Variants in DPY19L2 observed in about 807,000 individuals in gnomAD.
DPY19L2 encodes probable C-mannosyltransferase DPY19L2.
A neutral mutation model predicts 97.9 loss-of-function variants in DPY19L2; 34 were observed. That is an observed-to-expected ratio of 0.35 (90% CI 0.26 to 0.46). DPY19L2 has a LOEUF of 0.46. DPY19L2 is among the 20% of genes least tolerant of loss of function. DPY19L2 has a pLI of 1.00. For missense variants in DPY19L2, 623 were observed against 911.4 expected (o/e 0.68, Z 4.07); for synonymous variants, 230 against 307.9 (o/e 0.75, Z 2.65).
chr12:63,641,300 T>A (rs1892661978), intron 6 of DPY19L2, among the ~76,000 whole-genome samples: 1 of 152,152 alleles, frequency 6.6e-6, no homozygotes, highest in Non-Finnish European at 1.5e-5. Flanking sequence ...AATGAGCTTA[T>A]ATTTTTTCTA....
intron 16 of DPY19L2, among the ~76,000 whole-genome samples, chr12:63,592,094 A>T: frequency 7.1e-6 from 1 of 141,616 alleles, no homozygotes; most frequent in East Asian, 2.1e-4. Flanking sequence ...ACAAGAGAAA[A>T]GAGAAAAGAA....
Position 63,590,631 on chromosome 12 carries a change from T to C in DPY19L2, c.1580+3456A>G, listed in dbSNP as rs563860676. 3.9e-5 allele frequency among the ~76,000 whole-genome samples: 6 copies of C among 152,248 alleles called. No homozygotes were observed. In the South Asian group the frequency reaches 1.0e-3, roughly 26 times the overall value. On this transcript the variant is annotated intron_variant, in intron 16 of 21. Transcript: ENST00000324472. ...CACACTATTAAATACAAGTAACAAG[T>C]TGCAGAATAAGAAGAATACAATTCT...
At chr12:63,617,413 A>G (rs1269472782) in intron 10 of DPY19L2, 23 bp from the exon 11 acceptor site, 8 of 1,496,776 alleles carry the variant, frequency 5.3e-6, no homozygotes, top group Admixed American at 1.8e-5. Flanking sequence ...AAAAAAATAC[A>G]TTTTATGGTT....
At chr12:63,590,286 G>A (rs1200682634) in intron 16 of DPY19L2, among the ~76,000 whole-genome samples, 2 of 152,088 alleles carry the variant, frequency 1.3e-5, no homozygotes, top group Non-Finnish European at 2.9e-5. Context: ...TTAAAAGCTT[G>A]ATAACGATGT....
intron 6 of DPY19L2, among the ~76,000 whole-genome samples, chr12:63,644,023 G>A (rs957918182): frequency 1.3e-5 from 2 of 152,154 alleles, no homozygotes; most frequent in Non-Finnish European, 2.9e-5. Context: ...TGCCACATGT[G>A]ATTCACAATT....
At chr12:63,647,139 T>G (rs1893520616) in intron 5 of DPY19L2, 106 bp downstream of exon 5, 1 of 1,040,700 alleles carries the variant, frequency 9.6e-7, no homozygotes, top group Non-Finnish European at 1.3e-6. Flanking sequence ...TTCTAATGTT[T>G]TTTAAATCAA....
chr12:63,588,409 A>C (rs113059677), intron 16 of DPY19L2, among the ~76,000 whole-genome samples: 2,078 of 152,324 alleles, frequency 0.014, 26 homozygotes, highest in South Asian at 0.034. Context: ...GAATATTTTA[A>C]AAGTTTCAGT....
chr12:63,607,877 T>C (rs1886324119), intron 12 of DPY19L2, among the ~76,000 whole-genome samples: 1 of 151,782 alleles, frequency 6.6e-6, no homozygotes. Flanking sequence ...AAGCTCTCTG[T>C]CCACGTTGGC....
At chr12:63,637,877 A>T (rs1892009813) in intron 6 of DPY19L2, among the ~76,000 whole-genome samples, 2 of 152,284 alleles carry the variant, frequency 1.3e-5, no homozygotes, top group East Asian at 3.9e-4. Flanking sequence ...CATCATCCTG[A>T]TACCAAGGCC....
chr12:63,589,342 G>A (rs1304629990), intron 16 of DPY19L2, among the ~76,000 whole-genome samples: 1 of 44,354 alleles, frequency 2.3e-5, no homozygotes, highest in African/African-American at 6.6e-5. Context: ...AATGTGGCTA[G>A]ATAAAAATGT....
intron 6 of DPY19L2, among the ~76,000 whole-genome samples, chr12:63,630,697 C>A (rs1285223495): frequency 6.6e-6 from 1 of 152,044 alleles, no homozygotes; most frequent in African/African-American, 2.4e-5. Context: ...GAATTGAACT[C>A]AGCTCTGCAC....
rs190464221 is a variant in DPY19L2, at chr12:63,620,488, T to C, written c.1053+750A>G. Among the ~76,000 whole-genome samples the C allele has an allele frequency of 2.0e-5, 3 of 152,214 alleles. No individual in the cohort carries two copies. The East Asian group carries it at 5.8e-4, about 29-fold the overall frequency. ...ATTATCTCAAACACCAAAAATAACA[T>C]TTGTGAATAAAAATAATACAAAAAG... On this transcript the variant is annotated intron_variant, in intron 9 of 21. Transcript: ENST00000324472.
intron 4 of DPY19L2, chr12:63,661,130 C>T: frequency 2.8e-6 from 1 of 353,110 alleles, no homozygotes; most frequent in Non-Finnish European, 4.9e-6. Flanking sequence ...ATTATTTACA[C>T]ACTAAGGTTC....
intron 14 of DPY19L2, 65 bp downstream of exon 14, chr12:63,597,744 A>G (rs1884481190): frequency 2.7e-6 from 4 of 1,470,456 alleles, no homozygotes; most frequent in Non-Finnish European, 3.7e-6. Context: ...TTTGAGTTTC[A>G]GATTTTAAAA....
chr12:63,618,573 C>T (rs1460566798), intron 9 of DPY19L2, among the ~76,000 whole-genome samples: 1 of 152,022 alleles, frequency 6.6e-6, no homozygotes, highest in Non-Finnish European at 1.5e-5. Flanking sequence ...AGCTGAGAGG[C>T]AGTTGGAAGA....
chr12:63,590,771 T>C (rs2942612), intron 16 of DPY19L2, among the ~76,000 whole-genome samples: 4 of 152,154 alleles, frequency 2.6e-5, no homozygotes, highest in African/African-American at 7.2e-5. Flanking sequence ...CCCTCTCTTT[T>C]TGATACGCTG....
At chr12:63,578,535 C>G (rs1278913467) in intron 19 of DPY19L2, among the ~76,000 whole-genome samples, 1 of 152,096 alleles carries the variant, frequency 6.6e-6, no homozygotes, top group Non-Finnish European at 1.5e-5. Flanking sequence ...GATGATTACA[C>G]ATTGTATGCC....
intron 16 of DPY19L2, chr12:63,591,184 G>A (rs1469430922): frequency 2.2e-6 from 1 of 447,714 alleles, no homozygotes; most frequent in African/African-American, 2.0e-5. Context: ...AATTTCAACA[G>A]ATGCACCTAA....
At chr12:63,565,588 G>A (rs573916864) in intron 21 of DPY19L2, among the ~76,000 whole-genome samples, 1 of 152,226 alleles carries the variant, frequency 6.6e-6, no homozygotes, top group East Asian at 1.9e-4. Context: ...TTTTCCATGT[G>A]AGTAACGTAA....
Sources: gnomAD v4.1 joint callset for allele counts (sites outside exome capture counted in the v4.1 genomes callset) on GRCh38, gnomAD v4.1.1 for gene constraint, MANE v1.5 for transcripts, NCBI Gene and HGNC (gene_info 2026-07-23, HGNC 2026-07-21) for gene names.